Variants in SEPTIN10 observed in about 807,000 individuals in gnomAD.
SEPTIN10 encodes the protein septin 10, also known as septin-10.
A neutral mutation model predicts 54.8 loss-of-function variants in SEPTIN10; 66 were observed. The observed-to-expected ratio is 1.21, with a 90% CI of 0.99 to 1.48. The LOEUF (loss-of-function observed/expected upper bound fraction) is 1.48, where lower values mean the gene tolerates loss of function less well. Among genes scored for constraint, SEPTIN10 ranks in the 40% most tolerant of loss-of-function variants. The pLI is 0.00. For synonymous variants in SEPTIN10, 161 were observed against 181.0 expected, an observed-to-expected ratio of 0.89 and a Z score of 0.89; for missense variants, 620 against 545.6, an observed-to-expected ratio of 1.14 and a Z score of -1.36.
intron 9 of SEPTIN10, among the ~76,000 whole-genome samples, chr2:109,551,747 G>A (rs908862495): frequency 7.2e-5 from 11 of 152,184 alleles, no homozygotes; most frequent in Non-Finnish European, 1.5e-4. Flanking sequence ...AGCAAGTACT[G>A]TAAGTGTATT....
intron 9 of SEPTIN10, among the ~76,000 whole-genome samples, chr2:109,549,433 T>C (rs1682256887): frequency 6.6e-6 from 1 of 152,186 alleles, no homozygotes; most frequent in African/African-American, 2.4e-5. Flanking sequence ...CAGGGAAGTG[T>C]GAATGTGACT....
At position 109,591,138 on chromosome 2, in the gene SEPTIN10, C is replaced by T. The variant is rs555700400; in HGVS notation, c.99+1913G>A. Among the ~76,000 whole-genome samples the T allele has an allele frequency of 2.0e-5, 3 of 152,208 alleles. No homozygotes were observed. The South Asian group carries it at 6.2e-4, about 32-fold the overall frequency. On this transcript the variant is annotated intron_variant, in intron 2 of 10. Coordinates refer to ENST00000397712, the MANE Select transcript of SEPTIN10 (RefSeq NM_144710.5). ...ATTTTTAGTCATGTAAGCATGTTAT[C>T]TTCATATTTTTTTAAAGAGCACTGA...
Position 109,545,159 on chromosome 2 carries a change from C to T in SEPTIN10, c.1350-835G>A, listed in dbSNP as rs576876661. The T allele has an allele frequency of 2.5e-4, 245 of 984,868 alleles. 1 individual carries two copies. In the African/African-American group the frequency reaches 3.9e-3, roughly 16 times the overall value. 61.0% of individuals were successfully genotyped at this position (984,868 alleles called of 1,614,324 possible). On this transcript the variant is annotated intron_variant, in intron 10 of 10. Transcript: ENST00000397712. ...CTGTGGGGAACATGGGAGCATGCAA[C>T]GCTGCTAGCACAGAGGTAGCTAGAG...
intron 1 of SEPTIN10, among the ~76,000 whole-genome samples, chr2:109,610,228 A>T (rs183278064): frequency 6.6e-6 from 1 of 152,170 alleles, no homozygotes; most frequent in African/African-American, 2.4e-5. Context: ...AGTTGGGACT[A>T]CAGGCGCATG....
chr2:109,607,911 T>C (rs1324283061), intron 1 of SEPTIN10, among the ~76,000 whole-genome samples: 2 of 152,158 alleles, frequency 1.3e-5, no homozygotes, highest in East Asian at 3.9e-4. Context: ...AAGGACTTTC[T>C]ATAAAGTAGA....
intron 1 of SEPTIN10, among the ~76,000 whole-genome samples, chr2:109,599,798 A>G (rs527906057): frequency 8.5e-5 from 13 of 152,358 alleles, no homozygotes; most frequent in Non-Finnish European, 1.6e-4. Flanking sequence ...TTTAAAATAC[A>G]AATGCAATCT....
At chr2:109,585,969 G>A in intron 2 of SEPTIN10, 131 bp from the exon 3 acceptor site, 1 of 627,486 alleles carries the variant, frequency 1.6e-6, no homozygotes, top group South Asian at 2.1e-5. Context: ...CCTCACCTAA[G>A]ATACAAGCGA....
At chr2:109,599,514 G>GGCA (rs1696141196) in intron 1 of SEPTIN10, among the ~76,000 whole-genome samples, 1 of 151,236 alleles carries the variant, frequency 6.6e-6, no homozygotes, top group Admixed American at 6.6e-5. Flanking sequence ...AGCAAGATAA[G>GGCA]GCAGCAGCAA....
Position 109,562,503 on chromosome 2 carries a change from T to C in SEPTIN10, c.1028+1863A>G, listed in dbSNP as rs569462592. Among the ~76,000 whole-genome samples, 106 of 151,854 alleles carry C rather than the reference T, an allele frequency of 7.0e-4. 1 individual carries two copies. The highest frequency in any genetic ancestry group is 2.3e-3 in the African/African-American group (94 of 41,484). ...AATGACTAGCATTTGGCTGAGCAGA[T>C]AGCAGACAAACTATTTGCTGAATGA... On this transcript the variant is annotated intron_variant, in intron 8 of 10. Coordinates refer to ENST00000397712, the MANE Select transcript of SEPTIN10 (RefSeq NM_144710.5).
intron 9 of SEPTIN10, among the ~76,000 whole-genome samples, chr2:109,549,719 T>G (rs1682364108): frequency 6.6e-6 from 1 of 152,186 alleles, no homozygotes; most frequent in Non-Finnish European, 1.5e-5. Flanking sequence ...CCACAGGTAG[T>G]ACCATACCCT....
intron 9 of SEPTIN10, among the ~76,000 whole-genome samples, chr2:109,552,023 C>T (rs1447163787): frequency 6.6e-6 from 1 of 152,192 alleles, no homozygotes; most frequent in Non-Finnish European, 1.5e-5. Context: ...GGCGGGCAAA[C>T]AAGCATTACT....
chr2:109,613,929 G>C lies in SEPTIN10; in HGVS notation c.-102C>G. ...AGGCCGGAGGGCAGAAGCAACGGGC[G>C]GGGCGCGAGGCTAGGCTGCCTCCGC... On this transcript the variant is annotated 5_prime_UTR_variant, in exon 1 of 11. Coordinates refer to ENST00000397712, the MANE Select transcript of SEPTIN10 (RefSeq NM_144710.5). 8.2e-7 allele frequency: 1 copy of C among 1,221,708 alleles called. No individual in the cohort carries two copies. Among genetic ancestry groups the C allele is most frequent in the Non-Finnish European group, 1.0e-6 (1 of 981,248 alleles). 75.7% of individuals were successfully genotyped at this position (1,221,708 alleles called of 1,614,324 possible). A position where few individuals can be genotyped will look rare whatever the true frequency, so the allele number is the denominator to read the frequency against.
In SEPTIN10 at chr2:109,613,021, C is replaced by A. The variant is rs144520055; in HGVS notation, c.30+777G>T. ...TTTTGTTTACACAGATGAAAACCAC[C>A]AATGTTTACTATCAAAAATTAAAAG... On this transcript the variant is annotated intron_variant, in intron 1 of 10. Coordinates refer to ENST00000397712, the MANE Select transcript of SEPTIN10 (RefSeq NM_144710.5). 774 of 512,462 alleles carry A rather than the reference C, an allele frequency of 1.5e-3. 4 individuals are homozygous for A. The highest frequency in any genetic ancestry group is 0.014 in the African/African-American group (709 of 51,106). The allele number at this position is 512,462 out of a possible 1,614,324, so 31.7% of individuals were successfully genotyped here.
At chr2:109,575,787 G>A (rs1689550136) in intron 4 of SEPTIN10, among the ~76,000 whole-genome samples, 1 of 152,196 alleles carries the variant, frequency 6.6e-6, no homozygotes, top group Non-Finnish European at 1.5e-5. Context: ...ACCTTGAGCA[G>A]CTGAGGTACT....
chr2:109,572,128 A>G (rs547372162), intron 5 of SEPTIN10, among the ~76,000 whole-genome samples: 11 of 151,596 alleles, frequency 7.3e-5, no homozygotes, highest in Admixed American at 2.0e-4. Context: ...CTAGCTCCCC[A>G]CCTCTTTTTT....
At chr2:109,545,933 A>G in intron 10 of SEPTIN10, 117 bp downstream of exon 10, 1 of 1,454,376 alleles carries the variant, frequency 6.9e-7, no homozygotes, top group Non-Finnish European at 9.2e-7. Flanking sequence ...GCTGACATTT[A>G]GTTGGAGAAG....
At chr2:109,544,813 C>T (rs1680769398) in intron 10 of SEPTIN10, 1 of 746,512 alleles carries the variant, frequency 1.3e-6, no homozygotes, top group African/African-American at 1.9e-5. Context: ...CTACTATGTA[C>T]CAGACAACTG....
intron 10 of SEPTIN10, chr2:109,545,708 C>T: frequency 1.4e-6 from 2 of 1,454,754 alleles, no homozygotes; most frequent in South Asian, 1.5e-5. Context: ...GGTAGGTCAG[C>T]AGCCATTAGC....
At chr2:109,572,991 A>C (rs944637088) in intron 5 of SEPTIN10, among the ~76,000 whole-genome samples, 5 of 152,226 alleles carry the variant, frequency 3.3e-5, no homozygotes, top group Non-Finnish European at 7.3e-5. Flanking sequence ...AAAATAAAGA[A>C]TATATTTAAA....
Sources: allele counts gnomAD v4.1 joint callset (sites outside exome capture counted in the v4.1 genomes callset), GRCh38; gene constraint gnomAD v4.1.1; transcripts MANE v1.5; gene names NCBI Gene and HGNC (gene_info 2026-07-23, HGNC 2026-07-21).